The following PARVB variants were observed in gnomAD, a reference collection of about 807,000 sequenced individuals.
The protein encoded by PARVB is parvin beta, also known as beta-parvin.
In PARVB, 46 loss-of-function variants were observed where a neutral mutation model predicts 47.0. The observed-to-expected ratio is 0.98, with a 90% CI of 0.77 to 1.25. The LOEUF (loss-of-function observed/expected upper bound fraction) is 1.25, where lower values mean the gene tolerates loss of function less well. PARVB is among the 50% of genes most tolerant of loss of function. The probability of loss-of-function intolerance (pLI) is 0.00; values close to 1 mark genes in which losing one functional copy is unlikely to be tolerated. For missense variants in PARVB, 473 were observed against 471.6 expected (o/e 1.00, Z -0.03); for synonymous variants, 196 against 196.3 (o/e 1.00, Z 0.01).
In PARVB at chr22:44,131,563, G is replaced by A. The variant is rs773552611; in HGVS notation, c.453G>A (p.Thr151=). 3.7e-6 allele frequency: 6 copies of A among 1,614,086 alleles called. No individual in the cohort carries two copies. Among genetic ancestry groups the A allele is most frequent in the East Asian group, 2.2e-5 (1 of 44,884 alleles). The stretch of plus-strand genomic sequence containing the variant: ...TAGGGCAGAAACAGAAGCTGCAGAC[G>A]GTGCTGGAAGCAGTACATGACCTGC... ...SEIGQKQKLQ[T]VLEAVHDLLR... The change falls in exon 5 of 13, where the codon ACG becomes ACA. Residue 151 remains threonine (T), a synonymous_variant. Coordinates refer to ENST00000338758, the MANE Select transcript of PARVB (RefSeq NM_013327.5).
chr22:44,052,717 C>T (rs1376465785), intron 1 of PARVB, among the ~76,000 whole-genome samples: 3 of 152,034 alleles, frequency 2.0e-5, no homozygotes, highest in East Asian at 1.9e-4. Flanking sequence ...CTGAGGCAGG[C>T]GGATTGCTTG....
intron 1 of PARVB, among the ~76,000 whole-genome samples, chr22:44,026,798 C>T (rs1470620181): frequency 1.4e-5 from 2 of 146,436 alleles, no homozygotes; most frequent in African/African-American, 5.1e-5. Flanking sequence ...GATGTGGCTC[C>T]GACATGTTCC....
In PARVB at chr22:44,170,037, CTG is replaced by C; in HGVS notation, c.*1363_*1364del. 7.2e-6 allele frequency: 1 copy of C among 138,406 alleles called. No homozygotes were observed. The allele number at this position is 138,406 out of a possible 1,614,324, so 8.6% of individuals were successfully genotyped here. ...TTTTTTTTTTTGAGACAAGTTCTCA[CTG>C]TGTCACCCAGGAGTAAAGTGGTGCC... On this transcript the variant is annotated 3_prime_UTR_variant, in exon 13 of 13. Coordinates refer to ENST00000338758, the MANE Select transcript of PARVB (RefSeq NM_013327.5).
chr22:44,024,403 C>A lies in PARVB; in HGVS notation c.64C>A (p.Leu22Met). Reference protein sequence around the residue: ...PRRMKKDESFLGKLGGTLARK... With the variant: ...PRRMKKDESFMGKLGGTLARK... Reference sequence around the variant, plus strand: ...CAGGATGAAGAAGGACGAGTCGTTCCTGGGCAAGCTGGGCGGCACCCTGGC... The same window carrying A: ...CAGGATGAAGAAGGACGAGTCGTTCATGGGCAAGCTGGGCGGCACCCTGGC... The change falls in exon 1 of 13, where the codon CTG becomes ATG. Residue 22 changes from leucine (L) to methionine (M), a missense_variant. By Grantham distance (15) the Leu-to-Met change is conservative. Coordinates refer to ENST00000338758, the MANE Select transcript of PARVB (RefSeq NM_013327.5). The A allele has an allele frequency of 2.4e-6, 3 of 1,257,686 alleles. No individual in the cohort carries two copies. Among genetic ancestry groups the A allele is most frequent in the Admixed American group, 3.3e-5 (1 of 30,540 alleles). The allele number at this position is 1,257,686 out of a possible 1,614,324, so 77.9% of individuals were successfully genotyped here.
intron 1 of PARVB, among the ~76,000 whole-genome samples, chr22:44,082,325 C>T (rs1439941430): frequency 6.6e-6 from 1 of 152,104 alleles, no homozygotes; most frequent in African/African-American, 2.4e-5. Context: ...TCGAGATCCA[C>T]CTGGCCAACA....
At chr22:44,053,271 ACAGGGTTTCACCATGTTGGC>A (rs2051245001) in intron 1 of PARVB, among the ~76,000 whole-genome samples, 1 of 151,952 alleles carries the variant, frequency 6.6e-6, no homozygotes, top group Admixed American at 6.6e-5. Context: ...TTTAGTAGAG[ACAGGGTTTCACCATGTTGGC>A]CAGGATGGTC....
chr22:44,127,313 A>G (rs1601646614), intron 4 of PARVB, among the ~76,000 whole-genome samples: 1 of 152,276 alleles, frequency 6.6e-6, no homozygotes, highest in African/African-American at 2.4e-5. Context: ...GTAACACAGC[A>G]TCAGAATGTC....
At chr22:43,999,832 A>G (rs2050393477) in intron 2 of PARVB, among the ~76,000 whole-genome samples, 1 of 112,834 alleles carries the variant, frequency 8.9e-6, no homozygotes, top group African/African-American at 4.1e-5. Context: ...ACCCATCTAT[A>G]TGAAAAAAAA....
At chr22:44,165,054 A>G (rs1177877430) in intron 12 of PARVB, among the ~76,000 whole-genome samples, 3 of 152,018 alleles carry the variant, frequency 2.0e-5, no homozygotes, top group Non-Finnish European at 1.5e-5. Context: ...GTGCAGTGGT[A>G]TGATCACAGC....
In PARVB at chr22:44,157,978, G is replaced by A. The variant is rs1367790403; in HGVS notation, c.844-4G>A. The A allele has an allele frequency of 1.9e-6, 3 of 1,608,324 alleles. No homozygotes were observed. In the African/African-American group the frequency reaches 4.0e-5, roughly 22 times the overall value. On this transcript the variant is annotated splice_polypyrimidine_tract_variant and splice_region_variant and intron_variant, in intron 10 of 12. Transcript: ENST00000338758. ...CCGGAAACATCACAAGTCTTTCTCT[G>A]CAGTTTGCAGATGGCGTGTACCTGG...
At chr22:44,041,422 G>A (rs907955990) in intron 1 of PARVB, among the ~76,000 whole-genome samples, 28 of 152,146 alleles carry the variant, frequency 1.8e-4, no homozygotes, top group South Asian at 4.1e-4. Context: ...AACCCGGGAG[G>A]TGGAGGTTGC....
At chr22:44,140,693 CT>C in intron 8 of PARVB, 1 of 466,840 alleles carries the variant, frequency 2.1e-6, no homozygotes, top group Non-Finnish European at 4.3e-6. Context: ...GTAAAAGGCT[CT>C]CCCCAGGCAG....
chr22:44,008,976 G>A (rs754307828), intron 2 of PARVB, among the ~76,000 whole-genome samples: 10 of 152,082 alleles, frequency 6.6e-5, no homozygotes, highest in Admixed American at 5.9e-4. Context: ...GCGACAGAAC[G>A]AGACTCCATC....
At chr22:44,058,703 T>C (rs1176267642) in intron 1 of PARVB, among the ~76,000 whole-genome samples, 2 of 151,652 alleles carry the variant, frequency 1.3e-5, no homozygotes, top group East Asian at 2.0e-4. Flanking sequence ...TACAGGCACC[T>C]GCCACCACAC....
At chr22:44,037,098 G>A (rs1216260134) in intron 1 of PARVB, among the ~76,000 whole-genome samples, 1 of 152,162 alleles carries the variant, frequency 6.6e-6, no homozygotes, top group Non-Finnish European at 1.5e-5. Context: ...AAGGCAGGAG[G>A]ATCGCTTGAG....
chr22:44,050,185 G>C (rs925048140), intron 1 of PARVB, among the ~76,000 whole-genome samples: 1 of 152,092 alleles, frequency 6.6e-6, no homozygotes, highest in Non-Finnish European at 1.5e-5. Context: ...TCAGATATGC[G>C]GCCGTCTTAA....
chr22:44,040,150 C>T lies in PARVB; in HGVS notation c.112+15699C>T, dbSNP rs1316409671. 2.0e-5 allele frequency among the ~76,000 whole-genome samples: 3 copies of T among 152,010 alleles called. No homozygotes were observed. In the East Asian group the frequency reaches 5.8e-4, roughly 29 times the overall value. Reference sequence around the variant, plus strand: ...TACGCAGGTGCAGCATTTGTCAAAACTCTGCATGTGTACTTTAAATTTGTG... The same window carrying T: ...TACGCAGGTGCAGCATTTGTCAAAATTCTGCATGTGTACTTTAAATTTGTG... On this transcript the variant is annotated intron_variant, in intron 1 of 12. Coordinates refer to ENST00000338758, the MANE Select transcript of PARVB (RefSeq NM_013327.5).
At chr22:44,100,237 G>C (rs1476691217) in intron 3 of PARVB, 114 bp downstream of exon 3, 1 of 801,620 alleles carries the variant, frequency 1.2e-6, no homozygotes, top group Non-Finnish European at 2.2e-6. Context: ...AAGGGATGTT[G>C]GTGCTGCATG....
chr22:44,007,299 C>T (rs1179464617), intron 2 of PARVB, among the ~76,000 whole-genome samples: 6 of 152,210 alleles, frequency 3.9e-5, no homozygotes, highest in African/African-American at 1.4e-4. Flanking sequence ...AGTGGAGTCT[C>T]CTCCGAGAAG....
Sources: allele counts gnomAD v4.1 joint callset (sites outside exome capture counted in the v4.1 genomes callset), GRCh38; gene constraint gnomAD v4.1.1; transcripts MANE v1.5; gene names NCBI Gene and HGNC (gene_info 2026-07-23, HGNC 2026-07-21).